The following SAMD12 variants were observed in gnomAD, a reference collection of about 807,000 sequenced individuals.
The protein encoded by SAMD12 is sterile alpha motif domain containing 12.
In SAMD12, 9 loss-of-function variants were observed where a neutral mutation model predicts 15.0. The observed-to-expected ratio is 0.60, with a 90% CI of 0.36 to 1.05. SAMD12 has a LOEUF of 1.05. Ranked by LOEUF, SAMD12 falls within the 50% of genes least tolerant of loss-of-function variation. The pLI, the probability that SAMD12 is intolerant of heterozygous loss-of-function variation, is 0.01. For synonymous variants in SAMD12, 86 were observed against 90.1 expected, an observed-to-expected ratio of 0.96 and a Z score of 0.25; for missense variants, 230 against 234.2, an observed-to-expected ratio of 0.98 and a Z score of 0.12.
chr8:118,283,882 T>C (rs184482151), intron 4 of SAMD12, among the ~76,000 whole-genome samples: 1 of 152,304 alleles, frequency 6.6e-6, no homozygotes, highest in Middle Eastern at 3.4e-3. Flanking sequence ...ATTCAGAAAC[T>C]TCACGTATTA....
intron 3 of SAMD12, among the ~76,000 whole-genome samples, chr8:118,409,439 C>T (rs1302423357): frequency 2.2e-5 from 3 of 137,900 alleles, no homozygotes; most frequent in Non-Finnish European, 3.0e-5. Flanking sequence ...CCTATGTCAA[C>T]TGCTTCACCG....
the SAMD12 span, among the ~76,000 whole-genome samples, chr8:118,166,770 A>C: frequency 6.6e-6 from 1 of 152,200 alleles, no homozygotes; most frequent in African/African-American, 2.4e-5. Flanking sequence ...GATATTAACA[A>C]AGGTACAACA....
chr8:118,149,549 A>T, the SAMD12 span, among the ~76,000 whole-genome samples: 2 of 152,068 alleles, frequency 1.3e-5, no homozygotes, highest in Non-Finnish European at 2.9e-5. Flanking sequence ...CTTTTAACAG[A>T]GTCTTTCAAA....
At chr8:118,500,066 C>CGTT (rs1563896518) in intron 2 of SAMD12, among the ~76,000 whole-genome samples, 1 of 61,436 alleles carries the variant, frequency 1.6e-5, no homozygotes, top group African/African-American at 6.7e-5. Flanking sequence ...CTGAGTTTTG[C>CGTT]CTTTTTTTTT....
chr8:118,373,986 T>A (rs1469459186), downstream of SAMD12, among the ~76,000 whole-genome samples: 1 of 152,138 alleles, frequency 6.6e-6, no homozygotes, highest in African/African-American at 2.4e-5. Context: ...GCTAGCAATT[T>A]TTTTTTTACC....
intron 4 of SAMD12, among the ~76,000 whole-genome samples, chr8:118,281,385 G>C (rs567126568): frequency 7.9e-5 from 12 of 152,268 alleles, no homozygotes; most frequent in Non-Finnish European, 1.8e-4. Flanking sequence ...CCGAGGGCCT[G>C]GAATGCAGAT....
At chr8:118,461,369 A>C (rs1823417974) in intron 2 of SAMD12, among the ~76,000 whole-genome samples, 1 of 152,234 alleles carries the variant, frequency 6.6e-6, no homozygotes, top group South Asian at 2.1e-4. Flanking sequence ...TATACTATGG[A>C]TGTTTCAATT....
chr8:118,171,051 G>T, the SAMD12 span, among the ~76,000 whole-genome samples: 1 of 152,138 alleles, frequency 6.6e-6, no homozygotes, highest in Non-Finnish European at 1.5e-5. Context: ...ATATACAAAT[G>T]ATCAATAAGT....
chr8:118,245,001 A>G (rs1013813415), intron 4 of SAMD12, among the ~76,000 whole-genome samples: 1 of 152,234 alleles, frequency 6.6e-6, no homozygotes, highest in African/African-American at 2.4e-5. Context: ...GGTGAGTTTT[A>G]TATCACAGAG....
intron 2 of SAMD12, among the ~76,000 whole-genome samples, chr8:118,531,152 G>A (rs1311624300): frequency 6.6e-6 from 1 of 152,206 alleles, no homozygotes. Context: ...CATATGGCTA[G>A]CCAGTTTTCC....
chr8:118,260,317 A>G (rs945481146), intron 4 of SAMD12, among the ~76,000 whole-genome samples: 1 of 152,036 alleles, frequency 6.6e-6, no homozygotes, highest in Admixed American at 6.6e-5. Context: ...AAAAACTCAT[A>G]CTCATCTTTT....
In SAMD12 at chr8:118,453,914, C is replaced by T. The variant is rs189118317; in HGVS notation, c.193-13953G>A. Among the ~76,000 whole-genome samples the T allele has an allele frequency of 3.0e-3, 450 of 152,048 alleles. 1 individual carries two copies. The highest frequency in any genetic ancestry group is 8.1e-3 in the African/African-American group (337 of 41,470). On this transcript the variant is annotated intron_variant, in intron 2 of 3. Coordinates refer to ENST00000314727, the MANE Select transcript of SAMD12 (RefSeq NM_207506.3). ...ATCATATTATCTATTTACCAAATTC[C>T]CTGTTTTTCCCAAAGATCTACCTCA... is the stretch of plus-strand genomic sequence containing the variant.
intron 4 of SAMD12, among the ~76,000 whole-genome samples, chr8:118,232,900 C>G (rs911408085): frequency 6.6e-6 from 1 of 152,030 alleles, no homozygotes; most frequent in African/African-American, 2.4e-5. Flanking sequence ...ATGAACGGTA[C>G]CAGCCCAATT....
At chr8:118,372,822 T>C (rs1308027341) in intron 4 of SAMD12, among the ~76,000 whole-genome samples, 1 of 152,108 alleles carries the variant, frequency 6.6e-6, no homozygotes, top group Non-Finnish European at 1.5e-5. Flanking sequence ...CTAATACATT[T>C]AGTGGAATAC....
chr8:118,215,570 C>T lies in SAMD12; in HGVS notation c.434-17838G>A, dbSNP rs148563645. ...TGGTGGTGCGCTGGACCCACTAACT[C>T]GTCATCTAGCATTATGTATATCTCC... On this transcript the variant is annotated intron_variant, in intron 4 of 4. Transcript: ENST00000409003. Among the ~76,000 whole-genome samples the T allele has an allele frequency of 4.2e-3, 641 of 152,076 alleles. 3 individuals are homozygous for T. Among genetic ancestry groups the T allele is most frequent in the African/African-American group, 0.015 (602 of 41,452 alleles).
At chr8:118,164,540 A>T in the SAMD12 span, among the ~76,000 whole-genome samples, 1 of 152,016 alleles carries the variant, frequency 6.6e-6, no homozygotes, top group Non-Finnish European at 1.5e-5. Flanking sequence ...TTCCAACATA[A>T]GCTGTTATTA....
At chr8:118,273,962 T>C (rs1445520319) in intron 4 of SAMD12, among the ~76,000 whole-genome samples, 1 of 152,248 alleles carries the variant, frequency 6.6e-6, no homozygotes, top group Non-Finnish European at 1.5e-5. Flanking sequence ...GTGCCCATCA[T>C]TGCGCTGCAC....
intron 2 of SAMD12, among the ~76,000 whole-genome samples, chr8:118,558,710 C>T (rs895085457): frequency 2.6e-5 from 4 of 152,174 alleles, no homozygotes; most frequent in Non-Finnish European, 4.4e-5. Flanking sequence ...AGGCGCGTGC[C>T]ACCACGCCCG....
chr8:118,143,094 T>A, the SAMD12 span, among the ~76,000 whole-genome samples: 3 of 152,104 alleles, frequency 2.0e-5, no homozygotes, highest in South Asian at 2.1e-4. Flanking sequence ...ACTTTTTTTT[T>A]AAAGGGATTC....
Sources: allele counts gnomAD v4.1 joint callset (sites outside exome capture counted in the v4.1 genomes callset), GRCh38; gene constraint gnomAD v4.1.1; transcripts MANE v1.5; gene names NCBI Gene and HGNC (gene_info 2026-07-23, HGNC 2026-07-21).